DPP6: variants seen among roughly 807,000 people sequenced by gnomAD.
The protein encoded by DPP6 is dipeptidyl peptidase like 6, also known as A-type potassium channel modulatory protein DPP6.
Under a neutral mutation model 122.6 loss-of-function variants are expected in DPP6, and 69 were observed. That is an observed-to-expected ratio of 0.56 (90% CI 0.46 to 0.69). The LOEUF (loss-of-function observed/expected upper bound fraction) is 0.69. Ranked by LOEUF, DPP6 falls within the 30% of genes least tolerant of loss-of-function variation. The pLI, the probability that DPP6 is intolerant of heterozygous loss-of-function variation, is 0.00. For synonymous variants in DPP6, 418 were observed against 433.1 expected (o/e 0.97, Z 0.43); for missense variants, 928 against 1,116.9 (o/e 0.83, Z 2.41).
At chr7:154,657,071 G>A (rs111730393) in intron 6 of DPP6, among the ~76,000 whole-genome samples, 1 of 91,840 alleles carries the variant, frequency 1.1e-5, no homozygotes, top group South Asian at 4.9e-4. Flanking sequence ...GAGAGGCTGC[G>A]TGGGAGGAGG....
chr7:154,589,735 G>C (rs943733812), intron 5 of DPP6, among the ~76,000 whole-genome samples: 1 of 152,136 alleles, frequency 6.6e-6, no homozygotes, highest in Non-Finnish European at 1.5e-5. Flanking sequence ...AATATTTAAC[G>C]ACCTTCAGAT....
intron 3 of DPP6, among the ~76,000 whole-genome samples, chr7:154,490,639 A>T (rs1022722943): frequency 1.3e-5 from 2 of 152,248 alleles, no homozygotes. Context: ...ACAAATTCCT[A>T]ATAAAAGTCT....
chr7:154,448,250 A>G (rs895269982), intron 2 of DPP6, among the ~76,000 whole-genome samples: 1 of 152,188 alleles, frequency 6.6e-6, no homozygotes, highest in African/African-American at 2.4e-5. Context: ...TTCAGACCAA[A>G]ATGCAAAAAT....
chr7:153,777,912 T>C, the DPP6 span, among the ~76,000 whole-genome samples: 1 of 147,180 alleles, frequency 6.8e-6, no homozygotes, highest in Non-Finnish European at 1.5e-5. Flanking sequence ...AGACACAAGA[T>C]ATTTGGGGAA....
intron 3 of DPP6, among the ~76,000 whole-genome samples, chr7:154,504,196 G>T (rs1042507624): frequency 1.2e-5 from 1 of 82,632 alleles, no homozygotes. Flanking sequence ...GCAATAACAG[G>T]TGCTATTTTT....
chr7:154,439,003 G>A (rs1365582394), intron 1 of DPP6, among the ~76,000 whole-genome samples: 1 of 152,196 alleles, frequency 6.6e-6, no homozygotes, highest in Non-Finnish European at 1.5e-5. Flanking sequence ...TCTTCACAAT[G>A]CCTCTGTACC....
chr7:154,451,916 T>A (rs896207157), intron 2 of DPP6, among the ~76,000 whole-genome samples: 1 of 152,228 alleles, frequency 6.6e-6, no homozygotes, highest in African/African-American at 2.4e-5. Context: ...CAGCAAATGT[T>A]GCACCGCTGC....
intron 1 of DPP6, among the ~76,000 whole-genome samples, chr7:153,939,163 A>G (rs1295736787): frequency 2.0e-5 from 3 of 152,206 alleles, no homozygotes; most frequent in Admixed American, 6.5e-5. Context: ...CATTAAGATC[A>G]TCCATTACCT....
intron 16 of DPP6, among the ~76,000 whole-genome samples, chr7:154,827,080 A>G (rs1421735043): frequency 1.3e-5 from 2 of 151,998 alleles, no homozygotes; most frequent in African/African-American, 4.8e-5. Flanking sequence ...TACGTTGACA[A>G]GAAGTGTCTG....
intron 1 of DPP6, among the ~76,000 whole-genome samples, chr7:154,270,970 G>C (rs1162655282): frequency 6.6e-6 from 1 of 152,124 alleles, no homozygotes; most frequent in African/African-American, 2.4e-5. Context: ...TAAAAGCAAG[G>C]TTGTTTATTA....
intron 1 of DPP6, among the ~76,000 whole-genome samples, chr7:154,214,744 C>T (rs867717683): frequency 8.5e-5 from 13 of 152,162 alleles, no homozygotes; most frequent in Non-Finnish European, 1.2e-4. Context: ...TAGTGAGACC[C>T]GTCTTTACCA....
At chr7:154,660,451 T>C (rs933611066) in intron 6 of DPP6, among the ~76,000 whole-genome samples, 7 of 149,424 alleles carry the variant, frequency 4.7e-5, no homozygotes, top group Non-Finnish European at 7.4e-5. Context: ...TTGGCCCTAG[T>C]GTTCATGCAG....
intron 22 of DPP6, 74 bp from the exon 23 acceptor site, chr7:154,887,602 T>TC (rs978231415): frequency 5.4e-6 from 8 of 1,488,542 alleles, no homozygotes; most frequent in Admixed American, 5.0e-5. Context: ...TCCAGGGCCC[T>TC]CCCTAGAGTT....
At chr7:153,947,367 C>T (rs562751228) in intron 1 of DPP6, among the ~76,000 whole-genome samples, 2 of 152,252 alleles carry the variant, frequency 1.3e-5, no homozygotes, top group Non-Finnish European at 2.9e-5. Context: ...TCAGGCCTGT[C>T]TTCTCGGCTT....
At chr7:154,763,573 A>G (rs1253926875) in intron 8 of DPP6, among the ~76,000 whole-genome samples, 1 of 152,176 alleles carries the variant, frequency 6.6e-6, no homozygotes, top group African/African-American at 2.4e-5. Context: ...CTCCATCAGC[A>G]GCCTGCGTGC....
chr7:153,992,198 C>T (rs1336108848), intron 1 of DPP6, among the ~76,000 whole-genome samples: 1 of 151,992 alleles, frequency 6.6e-6, no homozygotes, highest in African/African-American at 2.4e-5. Context: ...ATAGTACCTC[C>T]CAAATCTATA....
intron 12 of DPP6, among the ~76,000 whole-genome samples, chr7:154,798,052 G>T (rs777302922): frequency 6.6e-6 from 1 of 152,224 alleles, no homozygotes; most frequent in Non-Finnish European, 1.5e-5. Context: ...GGTGAGGGAC[G>T]TGATTCTTTG....
chr7:153,962,727 T>C (rs1181359107), intron 1 of DPP6, among the ~76,000 whole-genome samples: 2 of 152,220 alleles, frequency 1.3e-5, no homozygotes. Flanking sequence ...TGGTTACTGG[T>C]ACTATCATCC....
intron 1 of DPP6, among the ~76,000 whole-genome samples, chr7:154,393,812 C>T (rs763034676): frequency 1.1e-4 from 17 of 152,122 alleles, no homozygotes; most frequent in Non-Finnish European, 2.4e-4. Context: ...ATTCCTCCCT[C>T]CCCCAATCGC....
Sources: gnomAD v4.1 joint callset for allele counts (sites outside exome capture counted in the v4.1 genomes callset) on GRCh38, gnomAD v4.1.1 for gene constraint, MANE v1.5 for transcripts, NCBI Gene and HGNC (gene_info 2026-07-23, HGNC 2026-07-21) for gene names.